The following KIF26B variants were observed in gnomAD, a reference collection of about 807,000 sequenced individuals.
KIF26B encodes kinesin family member 26B.
KIF26B carries 63 observed loss-of-function variants against 151.2 expected under a neutral mutation model. The ratio of observed to expected loss-of-function variants is 0.42; its 90% confidence interval spans 0.34 to 0.51. The LOEUF is 0.51. Among genes scored for constraint, KIF26B ranks in the 20% least tolerant of loss-of-function variants. The probability of loss-of-function intolerance (pLI) is 0.07; values close to 1 mark genes in which losing one functional copy is unlikely to be tolerated. For missense variants in KIF26B, 2,813 were observed against 2,913.6 expected, an observed-to-expected ratio of 0.97 and a Z score of 0.79; for synonymous variants, 1,357 against 1,262.1, an observed-to-expected ratio of 1.08 and a Z score of -1.59.
In KIF26B at chr1:245,172,385, G is replaced by T. The variant is rs907984105; in HGVS notation, c.465+15702G>T. On this transcript the variant is annotated intron_variant, in intron 2 of 14. Coordinates refer to ENST00000407071, the MANE Select transcript of KIF26B (RefSeq NM_018012.4). ...CGGAAGGGGTAGCTTCCTAGAAGGG[G>T]TGATGATGGAGAGGAGTTAGTGAGA... Among the ~76,000 whole-genome samples, 5 of 152,336 alleles carry T rather than the reference G, an allele frequency of 3.3e-5. No homozygotes were observed. In the East Asian group the frequency reaches 9.6e-4, roughly 29 times the overall value.
rs1260177507 is a variant in KIF26B, at chr1:245,682,447, T to TGCGCATATTGAAGACAGAGCCCAAG, written c.2259-1786_2259-1785insGCGCATATTGAAGACAGAGCCCAAG. Reference sequence around the variant, plus strand: ...TAACTGAGCAGAACTCACCCTCCACTACTCATGTAAGACCTGACTGTATAT... The same window carrying TGCGCATATTGAAGACAGAGCCCAAG: ...TAACTGAGCAGAACTCACCCTCCACTGCGCATATTGAAGACAGAGCCCAAGACTCATGTAAGACCTGACTGTATAT... On this transcript the variant is annotated intron_variant, in intron 10 of 14. Coordinates refer to ENST00000407071, the MANE Select transcript of KIF26B (RefSeq NM_018012.4). Among the ~76,000 whole-genome samples, 240 of 149,140 alleles carry TGCGCATATTGAAGACAGAGCCCAAG rather than the reference T, an allele frequency of 1.6e-3. 4 individuals carry two copies. Among genetic ancestry groups the TGCGCATATTGAAGACAGAGCCCAAG allele is most frequent in the African/African-American group, 4.2e-3 (167 of 39,744 alleles).
intron 2 of KIF26B, among the ~76,000 whole-genome samples, chr1:245,290,894 A>G (rs937873755): frequency 6.6e-6 from 1 of 152,256 alleles, no homozygotes; most frequent in African/African-American, 2.4e-5. Context: ...TCTGCAGACT[A>G]GCAGTTTAGG....
At chr1:245,598,671 G>A (rs1007449607) in intron 5 of KIF26B, among the ~76,000 whole-genome samples, 1 of 152,066 alleles carries the variant, frequency 6.6e-6, no homozygotes, top group African/African-American at 2.4e-5. Context: ...TGCCTCTCTC[G>A]GTGAGTGTCT....
intron 2 of KIF26B, among the ~76,000 whole-genome samples, chr1:245,340,142 T>C (rs1334368323): frequency 6.6e-6 from 1 of 152,240 alleles, no homozygotes; most frequent in Non-Finnish European, 1.5e-5. Context: ...CAATTGTCTC[T>C]GAGTATCAGT....
At chr1:245,690,492 G>A (rs557234072) in intron 12 of KIF26B, among the ~76,000 whole-genome samples, 86 of 152,314 alleles carry the variant, frequency 5.6e-4, no homozygotes, top group Non-Finnish European at 1.0e-3. Context: ...CACCACAGGC[G>A]AGCACAAACT....
intron 4 of KIF26B, among the ~76,000 whole-genome samples, chr1:245,422,989 C>T (rs1043519484): frequency 1.3e-5 from 2 of 151,046 alleles, no homozygotes; most frequent in Non-Finnish European, 2.9e-5. Flanking sequence ...ATCCCAGCTA[C>T]TTGGGAGGCT....
intron 2 of KIF26B, among the ~76,000 whole-genome samples, chr1:245,177,281 T>C (rs77810518): frequency 6.5e-4 from 99 of 152,306 alleles, no homozygotes; most frequent in African/African-American, 2.3e-3. Flanking sequence ...CCATTCCCCC[T>C]GCCTTTATTG....
rs376034356 is a variant in KIF26B, at chr1:245,702,395, C to T, written c.6179-63C>T. The stretch of plus-strand genomic sequence containing the variant: ...TGGGGGTGGCAGCTCCAGGCTGAGC[C>T]GTCGGGAGTTGCTTCTCACCCTGTT... On this transcript the variant is annotated intron_variant, in intron 14 of 14. Transcript: ENST00000407071. This position sits in a 1 kb window ranked among gnomAD's most constrained non-coding sequence, Gnocchi z 4.1. The T allele has an allele frequency of 1.6e-5, 26 of 1,582,688 alleles. No individual in the cohort carries two copies. The Admixed American group carries it at 2.0e-4, about 12-fold the overall frequency.
Position 245,166,388 on chromosome 1 carries a change from A to G in KIF26B, c.465+9705A>G, listed in dbSNP as rs1275707612. ...TTGTTTCTTCACCTCCAAGTGGATA[A>G]AGCATCTCATTCTTATTTATTCATT... is the stretch of plus-strand genomic sequence containing the variant. On this transcript the variant is annotated intron_variant, in intron 2 of 14. Coordinates refer to ENST00000407071, the MANE Select transcript of KIF26B (RefSeq NM_018012.4). This position sits in a 1 kb window ranked among gnomAD's most constrained non-coding sequence, Gnocchi z 4.5. Among the ~76,000 whole-genome samples, 3 of 152,214 alleles carry G rather than the reference A, an allele frequency of 2.0e-5. No individual in the cohort carries two copies. Among genetic ancestry groups the G allele is most frequent in the African/African-American group, 7.2e-5 (3 of 41,446 alleles).
At chr1:245,430,876 C>T (rs1174589426) in intron 4 of KIF26B, among the ~76,000 whole-genome samples, 1 of 152,162 alleles carries the variant, frequency 6.6e-6, no homozygotes, top group Non-Finnish European at 1.5e-5. Context: ...GCATAGGGAT[C>T]CGAGCCAGGT....
intron 4 of KIF26B, among the ~76,000 whole-genome samples, chr1:245,461,787 G>A (rs1334318037): frequency 6.6e-6 from 1 of 152,190 alleles, no homozygotes; most frequent in Non-Finnish European, 1.5e-5. Context: ...ATTGCCGACA[G>A]AATGCAGATA....
intron 2 of KIF26B, among the ~76,000 whole-genome samples, chr1:245,216,838 C>T (rs927322307): frequency 5.9e-5 from 9 of 152,346 alleles, no homozygotes; most frequent in African/African-American, 2.2e-4. Flanking sequence ...AGGAGGACCA[C>T]GTTCCTGCCT....
intron 5 of KIF26B, among the ~76,000 whole-genome samples, chr1:245,542,420 G>A (rs1390636355): frequency 2.0e-5 from 3 of 152,246 alleles, no homozygotes; most frequent in African/African-American, 7.2e-5. Flanking sequence ...GCTTTCCTTG[G>A]TGGTGGGCAG....
chr1:245,647,733 C>T (rs1291072087), intron 10 of KIF26B, among the ~76,000 whole-genome samples: 1 of 152,184 alleles, frequency 6.6e-6, no homozygotes, highest in Non-Finnish European at 1.5e-5. Context: ...TTCTTCCCCT[C>T]AGCCCTATGT....
intron 5 of KIF26B, among the ~76,000 whole-genome samples, chr1:245,543,645 T>A (rs1302721327): frequency 1.3e-5 from 2 of 152,056 alleles, no homozygotes; most frequent in African/African-American, 4.8e-5. Context: ...AGAGAATGTG[T>A]ACCATGATTG....
intron 5 of KIF26B, among the ~76,000 whole-genome samples, chr1:245,541,233 A>G (rs1661614362): frequency 6.6e-6 from 1 of 152,198 alleles, no homozygotes. Flanking sequence ...AAAGACACAA[A>G]GGCACAAAAT....
chr1:245,270,191 CTTCTTT>C (rs1670827304), intron 2 of KIF26B, among the ~76,000 whole-genome samples: 2 of 104,386 alleles, frequency 1.9e-5, no homozygotes, highest in Non-Finnish European at 3.9e-5. Flanking sequence ...TCCATTCCTT[CTTCTTT>C]TCCCTTCCCT....
chr1:245,256,391 G>T (rs949747700), intron 2 of KIF26B, among the ~76,000 whole-genome samples: 1 of 152,158 alleles, frequency 6.6e-6, no homozygotes, highest in Non-Finnish European at 1.5e-5. Flanking sequence ...GATTTAGAAG[G>T]GACCTTCATC....
At chr1:245,299,952 G>C (rs1372161905) in intron 2 of KIF26B, among the ~76,000 whole-genome samples, 4 of 152,208 alleles carry the variant, frequency 2.6e-5, no homozygotes, top group Admixed American at 2.6e-4. Context: ...AGCTTCCTGG[G>C]AACATCTCTG....
Sources: allele counts gnomAD v4.1 joint callset (sites outside exome capture counted in the v4.1 genomes callset), GRCh38; gene constraint gnomAD v4.1.1; non-coding constraint Gnocchi (gnomAD v3.1); transcripts MANE v1.5; gene names NCBI Gene and HGNC (gene_info 2026-07-23, HGNC 2026-07-21).